KAZN: variants seen among roughly 807,000 people sequenced by gnomAD.
The protein encoded by KAZN is kazrin, periplakin interacting protein.
KAZN carries 40 observed loss-of-function variants against 87.4 expected under a neutral mutation model. The observed-to-expected ratio is 0.46, with a 90% CI of 0.36 to 0.60. The LOEUF is 0.60. Ranked by LOEUF, KAZN falls within the 20% of genes least tolerant of loss-of-function variation. The pLI, the probability that KAZN is intolerant of heterozygous loss-of-function variation, is 0.00. For synonymous variants in KAZN, 466 were observed against 458.3 expected, an observed-to-expected ratio of 1.02 and a Z score of -0.22; for missense variants, 898 against 1,073.9, an observed-to-expected ratio of 0.84 and a Z score of 2.29.
chr1:14,599,158 C>T lies in KAZN; in HGVS notation c.161C>T (p.Ala54Val). ...GGPGPGPGAA[A>V]SASAAGDSAA... ...CCCGGCCCGGGCCCGGGAGCCGCGGCCAGCGCCTCGGCGGCGGGGGACTCG... is the reference window on the plus strand; with the variant it reads ...CCCGGCCCGGGCCCGGGAGCCGCGGTCAGCGCCTCGGCGGCGGGGGACTCG... Residue 54 changes from alanine to valine, a missense_variant, in exon 1 of 15, where the codon GCC becomes GTC. By Grantham distance (64) the Ala-to-Val change is moderately conservative (BLOSUM62 0). Coordinates refer to ENST00000376030, the MANE Select transcript of KAZN (RefSeq NM_201628.3). This position sits in a 1 kb window ranked among gnomAD's most constrained non-coding sequence, Gnocchi z 4.4. The T allele has an allele frequency of 2.9e-6, 4 of 1,387,334 alleles. No individual in the cohort carries two copies. The highest frequency in any genetic ancestry group is 2.8e-6 in the Non-Finnish European group (3 of 1,074,268). The allele number at this position is 1,387,334 out of a possible 1,614,324, so 85.9% of individuals were successfully genotyped here. A position where few individuals can be genotyped will look rare whatever the true frequency, so the allele number is the denominator to read the frequency against.
intron 2 of KAZN, among the ~76,000 whole-genome samples, chr1:14,440,429 A>G (rs776602410): frequency 6.6e-6 from 1 of 152,084 alleles, no homozygotes; most frequent in Non-Finnish European, 1.5e-5. Flanking sequence ...CTCTTCCGGG[A>G]ACTACCATAT....
At chr1:14,043,625 T>C (rs1322260832) in intron 1 of KAZN, among the ~76,000 whole-genome samples, 1 of 152,130 alleles carries the variant, frequency 6.6e-6, no homozygotes, top group Non-Finnish European at 1.5e-5. Flanking sequence ...TTTTTTTTAA[T>C]TAAATATAAC....
At chr1:14,655,891 G>A (rs1638761186) in intron 1 of KAZN, among the ~76,000 whole-genome samples, 1 of 152,134 alleles carries the variant, frequency 6.6e-6, no homozygotes, top group South Asian at 2.1e-4. Flanking sequence ...GGTTTTACTG[G>A]GGGCTTACAT....
intron 1 of KAZN, among the ~76,000 whole-genome samples, chr1:13,963,663 T>C (rs1389605682): frequency 6.6e-6 from 1 of 152,148 alleles, no homozygotes; most frequent in East Asian, 1.9e-4. Flanking sequence ...CATCAAAGCC[T>C]AGCTCAGCCA....
chr1:15,076,246 T>A (rs1639743161), intron 8 of KAZN, among the ~76,000 whole-genome samples: 1 of 152,180 alleles, frequency 6.6e-6, no homozygotes, highest in Non-Finnish European at 1.5e-5. Flanking sequence ...GATGGCAGCT[T>A]GAGTGTGTGA....
intron 2 of KAZN, among the ~76,000 whole-genome samples, chr1:14,435,410 A>G (rs1289337482): frequency 6.6e-6 from 1 of 152,194 alleles, no homozygotes; most frequent in Non-Finnish European, 1.5e-5. Flanking sequence ...CCCTCAGCCA[A>G]TGGCAAATGC....
At chr1:14,262,072 A>C (rs752877646) in intron 2 of KAZN, among the ~76,000 whole-genome samples, 19 of 152,176 alleles carry the variant, frequency 1.2e-4, no homozygotes, top group Non-Finnish European at 1.8e-4. Context: ...AATGATGCAA[A>C]TTTTTAGAAT....
At chr1:14,141,421 T>C (rs905477797) in intron 1 of KAZN, among the ~76,000 whole-genome samples, 3 of 151,566 alleles carry the variant, frequency 2.0e-5, no homozygotes, top group African/African-American at 7.3e-5. Context: ...GTCAGCCCCA[T>C]AGGTTTCTTC....
chr1:14,817,839 T>A (rs1235597088), intron 1 of KAZN, among the ~76,000 whole-genome samples: 1 of 152,190 alleles, frequency 6.6e-6, no homozygotes, highest in Non-Finnish European at 1.5e-5. Flanking sequence ...AGCCTTTCAT[T>A]TGAGGTATCC....
intron 1 of KAZN, among the ~76,000 whole-genome samples, chr1:14,952,681 T>C (rs750751312): frequency 2.0e-5 from 3 of 152,072 alleles, no homozygotes; most frequent in Non-Finnish European, 4.4e-5. Flanking sequence ...TCTGCTTCCC[T>C]AGTTCTCTAG....
intron 1 of KAZN, among the ~76,000 whole-genome samples, chr1:14,692,848 G>A (rs941628156): frequency 3.9e-5 from 6 of 152,192 alleles, no homozygotes; most frequent in Non-Finnish European, 7.3e-5. Flanking sequence ...CATGAGAATC[G>A]CTTGAATCTG....
At chr1:14,915,929 G>A (rs144181838) in intron 1 of KAZN, among the ~76,000 whole-genome samples, 6 of 152,272 alleles carry the variant, frequency 3.9e-5, no homozygotes, top group East Asian at 1.9e-4. Flanking sequence ...GCCAGACTAC[G>A]TGGGCTTTAG....
At chr1:14,870,325 T>G (rs777436749) in intron 1 of KAZN, among the ~76,000 whole-genome samples, 2 of 152,182 alleles carry the variant, frequency 1.3e-5, no homozygotes, top group East Asian at 3.8e-4. Context: ...TGGCCCTGTT[T>G]CCTCAACTGT....
At chr1:14,927,854 C>T (rs570599274) in intron 1 of KAZN, among the ~76,000 whole-genome samples, 3 of 152,090 alleles carry the variant, frequency 2.0e-5, no homozygotes, top group Non-Finnish European at 2.9e-5. Flanking sequence ...ACATGAAACC[C>T]GCGGTTGAGG....
chr1:14,301,167 G>T (rs979509703), intron 2 of KAZN, among the ~76,000 whole-genome samples: 1 of 152,204 alleles, frequency 6.6e-6, no homozygotes, highest in African/African-American at 2.4e-5. Context: ...AATTCACAAA[G>T]CTGGGCTTAG....
chr1:14,600,241 A>C (rs1294337684), intron 1 of KAZN, among the ~76,000 whole-genome samples: 3 of 152,212 alleles, frequency 2.0e-5, no homozygotes, highest in African/African-American at 7.2e-5. Context: ...ACTTGTCTAA[A>C]TATGTCACTT....
intron 2 of KAZN, among the ~76,000 whole-genome samples, chr1:14,441,806 A>G (rs183422967): frequency 1.3e-5 from 2 of 152,340 alleles, no homozygotes; most frequent in Admixed American, 1.3e-4. Flanking sequence ...ACAAAAAAGA[A>G]ATTGTTGAAA....
chr1:14,538,940 A>G (rs1364813065), intron 2 of KAZN, among the ~76,000 whole-genome samples: 1 of 152,112 alleles, frequency 6.6e-6, no homozygotes, highest in Non-Finnish European at 1.5e-5. Flanking sequence ...TTTACCCTTT[A>G]GTTGCTCCAT....
chr1:14,737,987 C>T (rs1404928196), intron 1 of KAZN, among the ~76,000 whole-genome samples: 1 of 152,214 alleles, frequency 6.6e-6, no homozygotes, highest in Non-Finnish European at 1.5e-5. Context: ...AATCCCATCA[C>T]ATTCACAGGT....
Sources: gnomAD v4.1 joint callset for allele counts (sites outside exome capture counted in the v4.1 genomes callset) on GRCh38, gnomAD v4.1.1 for gene constraint, Gnocchi (gnomAD v3.1) non-coding constraint, MANE v1.5 for transcripts, NCBI Gene and HGNC (gene_info 2026-07-23, HGNC 2026-07-21) for gene names.